Variants in TLCD4 observed in about 807,000 individuals in gnomAD.
TLCD4 encodes the protein TLC domain-containing protein 4.
TLCD4 carries 7 observed loss-of-function variants against 24.2 expected under a neutral mutation model. The ratio of observed to expected loss-of-function variants is 0.29; its 90% CI spans 0.16 to 0.54. The LOEUF is 0.54. Ranked by LOEUF, TLCD4 falls within the 20% of genes least tolerant of loss-of-function variation. The pLI is 0.95. For missense variants in TLCD4, 259 were observed against 313.9 expected (o/e 0.82, Z 1.32); for synonymous variants, 103 against 106.4 (o/e 0.97, Z 0.20).
At chr1:95,113,279 C>G (rs866972719), upstream of TLCD4, among the ~76,000 whole-genome samples, 2 of 152,102 alleles carry the variant, frequency 1.3e-5, no homozygotes, top group African/African-American at 4.8e-5. Context: ...CTCCTAACCT[C>G]GGGTGATCTG....
Position 95,191,573 on chromosome 1 carries a change from A to G in TLCD4, c.497A>G (p.Tyr166Cys), listed in dbSNP as rs1451215299. The change falls in exon 7 of 7, where the codon TAT becomes TGT. Residue 166 changes from tyrosine to cysteine, a missense_variant. Physicochemically the swap from Tyr to Cys is radical, Grantham distance 194. Coordinates refer to ENST00000370203, the MANE Select transcript of TLCD4 (RefSeq NM_152487.3). ...AGGTGGTTCTTTGAAGCTCTGAAGT[A>G]TCCCAAGTTTTCTAAAGCTATCGTT... ...NQRWFFEALK[Y>C]PKFSKAIVIN... is the part of the protein sequence containing the mutation. 3 of 1,612,858 alleles carry G rather than the reference A, an allele frequency of 1.9e-6. No homozygotes were observed. The highest frequency in any genetic ancestry group is 2.5e-6 in the Non-Finnish European group (3 of 1,179,488).
the TLCD4 span, among the ~76,000 whole-genome samples, chr1:95,109,311 C>T: frequency 6.6e-6 from 1 of 152,018 alleles, no homozygotes; most frequent in African/African-American, 2.4e-5. Context: ...CCACTGCCCT[C>T]CAGCCTGGGC....
chr1:95,107,102 G>A, the TLCD4 span, among the ~76,000 whole-genome samples: 5 of 152,170 alleles, frequency 3.3e-5, no homozygotes, highest in African/African-American at 7.2e-5. Flanking sequence ...GAGATAATAT[G>A]TTTGCATATT....
At position 95,193,250 on chromosome 1, in the gene TLCD4, A is replaced by G. The variant is rs918872747; in HGVS notation, c.*1382A>G. ...CTTAAAGCACAGAAAAAAAAAGGTAATTTAATCCAAGTATTCTATCATCAA... is the reference window on the plus strand; with the variant it reads ...CTTAAAGCACAGAAAAAAAAAGGTAGTTTAATCCAAGTATTCTATCATCAA... On this transcript the variant is annotated 3_prime_UTR_variant, in exon 7 of 7. Transcript: ENST00000370203. 28 of 152,306 alleles carry G rather than the reference A, an allele frequency of 1.8e-4. No individual in the cohort carries two copies. Among genetic ancestry groups the G allele is most frequent in the African/African-American group, 6.3e-4 (26 of 41,576 alleles). 9.4% of individuals were successfully genotyped at this position (152,306 alleles called of 1,614,324 possible). A position where few individuals can be genotyped will look rare whatever the true frequency, so the allele number is the denominator to read the frequency against.
At chr1:95,118,179 C>G (rs1676481608) in intron 1 of TLCD4, 1 of 152,206 alleles carries the variant, frequency 6.6e-6, no homozygotes. Flanking sequence ...TTTTTAGCCA[C>G]TGAGTGCTGA....
chr1:95,157,590 T>C (rs1677668539), intron 5 of TLCD4, among the ~76,000 whole-genome samples: 1 of 152,320 alleles, frequency 6.6e-6, no homozygotes, highest in African/African-American at 2.4e-5. Context: ...AGCAAGCCAG[T>C]TGGGCAGTCT....
rs779300546 is a variant in TLCD4, at chr1:95,158,257, G to A, written c.399+6838G>A. On this transcript the variant is annotated intron_variant, in intron 5 of 6. Transcript: ENST00000370203. ...GGCTGGAGTGCAGTGGCACTGTCAG[G>A]GCTCACTGCAGCCTTGACCTCCCAG... 3.4e-4 allele frequency among the ~76,000 whole-genome samples: 51 copies of A among 149,630 alleles called. 1 individual carries two copies. Among genetic ancestry groups the A allele is most frequent in the African/African-American group, 4.9e-5 (2 of 40,490 alleles).
At chr1:95,098,585 A>G in the TLCD4 span, among the ~76,000 whole-genome samples, 2 of 152,124 alleles carry the variant, frequency 1.3e-5, no homozygotes, top group African/African-American at 2.4e-5. Flanking sequence ...CAGAGACCCA[A>G]GTTCTGATAA....
chr1:95,112,232 C>G, the TLCD4 span, among the ~76,000 whole-genome samples: 2 of 152,130 alleles, frequency 1.3e-5, no homozygotes, highest in East Asian at 3.9e-4. Flanking sequence ...CCTCCTTCTG[C>G]CCCGTTTGAG....
chr1:95,171,363 CA>C lies in TLCD4; in HGVS notation c.400-2445del, dbSNP rs1160589150. Among the ~76,000 whole-genome samples, 3 of 151,878 alleles carry C rather than the reference CA, an allele frequency of 2.0e-5. No individual in the cohort carries two copies. The East Asian group carries it at 5.8e-4, about 29-fold the overall frequency. On this transcript the variant is annotated intron_variant, in intron 5 of 6. Transcript: ENST00000370203. ...CCCGGGAAACCCCTTCCTCTGATAC[CA>C]AAAAAAATCACGGCAGCTATGATTT...
At chr1:95,104,663 CAAAAAAAA>C in the TLCD4 span, among the ~76,000 whole-genome samples, 1 of 40,620 alleles carries the variant, frequency 2.5e-5, no homozygotes, top group Non-Finnish European at 5.4e-5. Context: ...GACTCCGTCT[CAAAAAAAA>C]AAAAAAAAAG....
In TLCD4 at chr1:95,150,402, A is replaced by G. The variant is rs905052950; in HGVS notation, c.304+136A>G. On this transcript the variant is annotated intron_variant, in intron 4 of 6. Coordinates refer to ENST00000370203, the MANE Select transcript of TLCD4 (RefSeq NM_152487.3). Reference sequence around the variant, plus strand: ...CATACAGAGGAAAAAAATACCTCCCATGATGGTAGAACATGAAATGTCTTT... The same window carrying G: ...CATACAGAGGAAAAAAATACCTCCCGTGATGGTAGAACATGAAATGTCTTT... 2.8e-6 allele frequency: 3 copies of G among 1,056,574 alleles called. No individual in the cohort carries two copies. The African/African-American group carries it at 4.9e-5, about 17-fold the overall frequency. 65.4% of individuals were successfully genotyped at this position (1,056,574 alleles called of 1,614,324 possible).
chr1:95,188,145 TG>T (rs573035424), intron 6 of TLCD4, among the ~76,000 whole-genome samples: 64 of 152,214 alleles, frequency 4.2e-4, no homozygotes, highest in African/African-American at 1.5e-3. Flanking sequence ...CCCAGCACTT[TG>T]GGAGGCCGAG....
chr1:95,165,730 T>G (rs1303606241), intron 5 of TLCD4, among the ~76,000 whole-genome samples: 1 of 152,136 alleles, frequency 6.6e-6, no homozygotes, highest in Non-Finnish European at 1.5e-5. Context: ...CCTCCCAGAG[T>G]GCTGGGATTA....
At chr1:95,159,476 G>A (rs1049850963) in intron 5 of TLCD4, among the ~76,000 whole-genome samples, 8 of 152,138 alleles carry the variant, frequency 5.3e-5, no homozygotes, top group Admixed American at 2.0e-4. Flanking sequence ...CACTGATGGA[G>A]TTTCTTTTGC....
chr1:95,193,539 T>C lies in TLCD4; in HGVS notation c.*1671T>C, dbSNP rs1048806054. The C allele has an allele frequency of 6.6e-6, 1 of 152,124 alleles. No homozygotes were observed. Among genetic ancestry groups the C allele is most frequent in the Non-Finnish European group, 1.5e-5 (1 of 67,966 alleles). 9.4% of individuals were successfully genotyped at this position (152,124 alleles called of 1,614,324 possible). On this transcript the variant is annotated 3_prime_UTR_variant, in exon 7 of 7. Coordinates refer to ENST00000370203, the MANE Select transcript of TLCD4 (RefSeq NM_152487.3). ...GTTTCTCAGTTTGAAGGAGAACGTTTGACTCACTTTCATTGTTCATGCTAG... is the reference window on the plus strand; with the variant it reads ...GTTTCTCAGTTTGAAGGAGAACGTTCGACTCACTTTCATTGTTCATGCTAG...
chr1:95,120,234 A>G (rs1024700341), intron 1 of TLCD4: 13 of 152,234 alleles, frequency 8.5e-5, no homozygotes, highest in Non-Finnish European at 7.3e-5. Context: ...TTCACCTGGC[A>G]TTGGTATCAG....
chr1:95,136,178 A>G (rs577402029), intron 1 of TLCD4, among the ~76,000 whole-genome samples: 63 of 152,176 alleles, frequency 4.1e-4, no homozygotes, highest in African/African-American at 1.3e-3. Flanking sequence ...TTGGGAGTAT[A>G]TGGGACTGAT....
rs1178143971 is a variant in TLCD4 at position 95,196,695 on chromosome 1, A to G, written c.*4827A>G. Reference sequence around the variant, plus strand: ...CTAAATCTCAAAGATTTATAAGTACAGTACCTCTGGCTGAAAACTCGTTAA... The same window carrying G: ...CTAAATCTCAAAGATTTATAAGTACGGTACCTCTGGCTGAAAACTCGTTAA... On this transcript the variant is annotated 3_prime_UTR_variant, in exon 7 of 7. Coordinates refer to ENST00000370203, the MANE Select transcript of TLCD4 (RefSeq NM_152487.3). 1.3e-5 allele frequency: 2 copies of G among 152,202 alleles called. No homozygotes were observed. Among genetic ancestry groups the G allele is most frequent in the Non-Finnish European group, 2.9e-5 (2 of 68,038 alleles). 9.4% of individuals were successfully genotyped at this position (152,202 alleles called of 1,614,324 possible).
Sources: allele counts gnomAD v4.1 joint callset (sites outside exome capture counted in the v4.1 genomes callset), GRCh38; gene constraint gnomAD v4.1.1; transcripts MANE v1.5; gene names NCBI Gene and HGNC (gene_info 2026-07-23, HGNC 2026-07-21).